The following CDC40 variants were observed in gnomAD, a reference collection of about 807,000 sequenced individuals.
CDC40 encodes the protein pre-mRNA-processing factor 17.
Under a neutral mutation model 80.6 loss-of-function variants are expected in CDC40, and 27 were observed. The observed-to-expected ratio is 0.33, with a 90% confidence interval of 0.25 to 0.46. CDC40 has a LOEUF of 0.46. CDC40 is among the 20% of genes least tolerant of loss of function. The pLI is 1.00. For missense variants in CDC40, 486 were observed against 694.1 expected (o/e 0.70, Z 3.37); for synonymous variants, 221 against 232.6 (o/e 0.95, Z 0.45).
Position 110,207,704 on chromosome 6 carries a change from G to A in CDC40, c.490+115G>A, listed in dbSNP as rs534234787. ...AGTATTTAGCGCTTTTTTTTTTAAA[G>A]TTGAAACAATGGAGCGATACAGTTT... On this transcript the variant is annotated intron_variant, in intron 4 of 14. Transcript: ENST00000307731. 19 of 635,700 alleles carry A rather than the reference G, an allele frequency of 3.0e-5. No individual in the cohort carries two copies. In the East Asian group the frequency reaches 5.1e-4, roughly 17 times the overall value. The allele number at this position is 635,700 out of a possible 1,614,324, so 39.4% of individuals were successfully genotyped here. A position where few individuals can be genotyped will look rare whatever the true frequency, so the allele number is the denominator to read the frequency against.
chr6:110,221,921 C>A (rs1777782686), intron 12 of CDC40, among the ~76,000 whole-genome samples: 1 of 142,002 alleles, frequency 7.0e-6, no homozygotes, highest in South Asian at 2.2e-4. Flanking sequence ...CCTAAAAAGT[C>A]ATGATACTGT....
chr6:110,213,890 T>G (rs1200431915), intron 8 of CDC40, among the ~76,000 whole-genome samples: 1 of 152,186 alleles, frequency 6.6e-6, no homozygotes, highest in Non-Finnish European at 1.5e-5. Flanking sequence ...CCAATGCATC[T>G]CAACCTGAAT....
chr6:110,202,902 G>A (rs1378724501), intron 3 of CDC40, among the ~76,000 whole-genome samples: 1 of 151,972 alleles, frequency 6.6e-6, no homozygotes, highest in Non-Finnish European at 1.5e-5. Context: ...ACTAGGAAGT[G>A]GAGAGCTAGG....
At chr6:110,185,041 T>A (rs1018226501) in intron 1 of CDC40, among the ~76,000 whole-genome samples, 2 of 152,126 alleles carry the variant, frequency 1.3e-5, no homozygotes, top group Non-Finnish European at 2.9e-5. Flanking sequence ...CAACACAGAA[T>A]GTTGTTTTCA....
chr6:110,202,891 C>T (rs953050435), intron 3 of CDC40, among the ~76,000 whole-genome samples: 3 of 151,534 alleles, frequency 2.0e-5, no homozygotes, highest in African/African-American at 7.3e-5. Context: ...TTGCCTCTCC[C>T]ACTAGGAAGT....
intron 2 of CDC40, among the ~76,000 whole-genome samples, chr6:110,198,597 AACCCCTT>A (rs1301901595): frequency 2.0e-5 from 3 of 152,190 alleles, no homozygotes; most frequent in African/African-American, 7.2e-5. Context: ...TTTGGATATT[AACCCCTT>A]ACCAGATGTA....
At chr6:110,190,806 G>T (rs1338047273) in intron 1 of CDC40, among the ~76,000 whole-genome samples, 1 of 152,026 alleles carries the variant, frequency 6.6e-6, no homozygotes, top group Non-Finnish European at 1.5e-5. Flanking sequence ...CTGGCCTTCT[G>T]GGAGGGCAGA....
chr6:110,207,055 C>T (rs984510178), intron 3 of CDC40, among the ~76,000 whole-genome samples: 1 of 152,026 alleles, frequency 6.6e-6, no homozygotes, highest in African/African-American at 2.4e-5. Context: ...TGGCTCACAC[C>T]TGTAATGCCA....
chr6:110,189,637 C>T (rs1777319194), intron 1 of CDC40, among the ~76,000 whole-genome samples: 1 of 152,138 alleles, frequency 6.6e-6, no homozygotes, highest in Non-Finnish European at 1.5e-5. Flanking sequence ...TTATTCCCTC[C>T]TACCTCTTCT....
intron 1 of CDC40, among the ~76,000 whole-genome samples, chr6:110,186,266 G>A (rs1562198551): frequency 6.6e-6 from 1 of 152,148 alleles, no homozygotes. Context: ...GGCTGGGCGA[G>A]GTGGGCAGAT....
At chr6:110,206,791 A>G (rs773726950) in intron 3 of CDC40, among the ~76,000 whole-genome samples, 17 of 152,190 alleles carry the variant, frequency 1.1e-4, no homozygotes, top group East Asian at 3.8e-4. Context: ...TGCAATATCT[A>G]TTACCAAGAA....
At chr6:110,190,727 G>A (rs144862696) in intron 1 of CDC40, among the ~76,000 whole-genome samples, 1 of 152,082 alleles carries the variant, frequency 6.6e-6, no homozygotes, top group Admixed American at 6.5e-5. Flanking sequence ...CAGGGGGACC[G>A]AGCTAGGGGA....
At chr6:110,215,653 C>G (rs1053733154) in intron 9 of CDC40, among the ~76,000 whole-genome samples, 1 of 152,162 alleles carries the variant, frequency 6.6e-6, no homozygotes, top group African/African-American at 2.4e-5. Flanking sequence ...GGAAGACCTC[C>G]TGTGCCATTA....
At chr6:110,226,732 C>G (rs909771791) in intron 13 of CDC40, among the ~76,000 whole-genome samples, 3 of 151,900 alleles carry the variant, frequency 2.0e-5, no homozygotes, top group Admixed American at 1.3e-4. Context: ...TTTTCTAATT[C>G]TCCTTCCAAA....
intron 12 of CDC40, among the ~76,000 whole-genome samples, chr6:110,221,172 G>C (rs1420176687): frequency 6.6e-6 from 1 of 152,156 alleles, no homozygotes; most frequent in African/African-American, 2.4e-5. Context: ...TAAAACGAAT[G>C]ATTGGATGGA....
rs112626129 is a variant in CDC40, at chr6:110,209,199, A to G, written c.606A>G (p.Glu202=). The G allele has an allele frequency of 1.0e-3, 1,634 of 1,613,084 alleles. 21 individuals carry two copies. The African/African-American group carries it at 0.02, about 20-fold the overall frequency. Residue 202 remains glutamate, a synonymous_variant, in exon 5 of 15, where the codon GAA becomes GAG. Coordinates refer to ENST00000307731, the MANE Select transcript of CDC40 (RefSeq NM_015891.3). ...FLGPWAKYVD[E]KDVAKPSEEE... is the part of the protein sequence containing the mutation. ...GACCATGGGCAAAATATGTGGATGA[A>G]AAAGATGTAGCCAAACCTTCAGAAG... is the stretch of plus-strand genomic sequence containing the variant.
At chr6:110,219,927 T>C in intron 12 of CDC40, 58 bp downstream of exon 12, 1 of 1,548,222 alleles carries the variant, frequency 6.5e-7, no homozygotes, top group Non-Finnish European at 8.8e-7. Flanking sequence ...AAAAATTATA[T>C]AGACAAAGAT....
intron 10 of CDC40, among the ~76,000 whole-genome samples, 193 bp from the exon 11 acceptor site, chr6:110,219,171 G>A (rs529223364): frequency 1.3e-4 from 20 of 152,034 alleles, no homozygotes; most frequent in Non-Finnish European, 2.5e-4. Flanking sequence ...TGGTAGTACC[G>A]ATTTACTTTT....
rs1179906055 is a variant in CDC40 at position 110,228,472 on chromosome 6, TATTTCCC to T, written c.1418-357_1418-351del. On this transcript the variant is annotated intron_variant, in intron 13 of 14. Coordinates refer to ENST00000307731, the MANE Select transcript of CDC40 (RefSeq NM_015891.3). ...TTACCACAGATAAGTCTCTTTCTCC[TATTTCCC>T]ATAGTTCTGTTGTCTATACTTACTA... 3.3e-5 allele frequency among the ~76,000 whole-genome samples: 5 copies of T among 152,288 alleles called. No homozygotes were observed. In the East Asian group the frequency reaches 9.6e-4, roughly 29 times the overall value.
Sources: gnomAD v4.1 joint callset for allele counts (sites outside exome capture counted in the v4.1 genomes callset) on GRCh38, gnomAD v4.1.1 for gene constraint, MANE v1.5 for transcripts, NCBI Gene and HGNC (gene_info 2026-07-23, HGNC 2026-07-21) for gene names.